The following PCSK6 variants were observed in gnomAD, a reference collection of about 807,000 sequenced individuals.
PCSK6 encodes paired basic amino acid cleaving enzyme 4.
Under a neutral mutation model 123.3 loss-of-function variants are expected in PCSK6, and 85 were observed. That is an observed-to-expected ratio of 0.69 (90% CI 0.58 to 0.83). The LOEUF (loss-of-function observed/expected upper bound fraction) is 0.83. Ranked by LOEUF, PCSK6 falls within the 40% of genes least tolerant of loss-of-function variation. PCSK6 has a pLI of 0.00. For synonymous variants in PCSK6, 508 were observed against 516.0 expected (o/e 0.98, Z 0.21); for missense variants, 1,191 against 1,282.3 (o/e 0.93, Z 1.09).
At chr15:101,478,629 G>C (rs2057792652) in intron 1 of PCSK6, among the ~76,000 whole-genome samples, 1 of 152,150 alleles carries the variant, frequency 6.6e-6, no homozygotes, top group Non-Finnish European at 1.5e-5. Flanking sequence ...CACCAGGCTA[G>C]GATGCTAGGT....
chr15:101,388,339 C>T (rs1265522399), intron 9 of PCSK6, among the ~76,000 whole-genome samples: 8 of 152,238 alleles, frequency 5.3e-5, no homozygotes, highest in Non-Finnish European at 8.8e-5. Context: ...AGCATTGAGG[C>T]ATCCCAACCA....
At chr15:101,389,589 G>A (rs1351337587) in intron 8 of PCSK6, 25 bp from the exon 9 acceptor site, 2 of 1,558,112 alleles carry the variant, frequency 1.3e-6, no homozygotes, top group South Asian at 1.1e-5. Context: ...AGCACAGTGA[G>A]GCAGTGATGG....
chr15:101,367,004 G>A (rs893578767), intron 12 of PCSK6, among the ~76,000 whole-genome samples: 2 of 152,206 alleles, frequency 1.3e-5, no homozygotes, highest in African/African-American at 4.8e-5. Context: ...CAATGGCAGG[G>A]TTGGTTGCTT....
intron 11 of PCSK6, among the ~76,000 whole-genome samples, chr15:101,376,019 G>A (rs762598285): frequency 9.2e-5 from 14 of 152,158 alleles, no homozygotes; most frequent in Non-Finnish European, 2.1e-4. Flanking sequence ...GGGTAACAGA[G>A]TGAGACTCCA....
At chr15:101,444,258 G>A (rs1174159159) in intron 1 of PCSK6, among the ~76,000 whole-genome samples, 1 of 152,204 alleles carries the variant, frequency 6.6e-6, no homozygotes, top group Non-Finnish European at 1.5e-5. Context: ...TCAGCTTGAG[G>A]ACCGGATGGA....
intron 19 of PCSK6, among the ~76,000 whole-genome samples, chr15:101,315,117 C>T (rs2039958591): frequency 6.6e-6 from 1 of 152,232 alleles, no homozygotes; most frequent in African/African-American, 2.4e-5. Context: ...AAAGAAAGCT[C>T]ATTCTTGTTT....
At chr15:101,347,569 A>G in intron 13 of PCSK6, 3 of 1,432,760 alleles carry the variant, frequency 2.1e-6, no homozygotes, top group Non-Finnish European at 2.8e-6. Context: ...ACACGCATTC[A>G]TGCAGTCAAT....
chr15:101,311,285 ATTT>A (rs71154317), intron 20 of PCSK6, among the ~76,000 whole-genome samples: 10 of 114,914 alleles, frequency 8.7e-5, no homozygotes, highest in African/African-American at 1.9e-4. Context: ...TAATTTTTGC[ATTT>A]TTTTTTTTTT....
At chr15:101,484,267 G>A (rs1159996653) in intron 1 of PCSK6, among the ~76,000 whole-genome samples, 1 of 152,150 alleles carries the variant, frequency 6.6e-6, no homozygotes, top group Non-Finnish European at 1.5e-5. Context: ...CTCCCTTCTT[G>A]GAGGTCATTG....
chr15:101,375,412 C>T (rs1026592170), intron 11 of PCSK6, among the ~76,000 whole-genome samples: 9 of 152,180 alleles, frequency 5.9e-5, no homozygotes, highest in Admixed American at 5.2e-4. Context: ...ATTTATAGCA[C>T]ACTTTTTCCT....
intron 1 of PCSK6, among the ~76,000 whole-genome samples, chr15:101,457,858 C>G (rs954176382): frequency 2.0e-5 from 3 of 152,196 alleles, no homozygotes; most frequent in African/African-American, 7.2e-5. Flanking sequence ...GCTATCTGTC[C>G]AATTCCAGAC....
chr15:101,454,979 TG>T (rs2057140151), intron 1 of PCSK6, among the ~76,000 whole-genome samples: 9 of 148,374 alleles, frequency 6.1e-5, no homozygotes, highest in African/African-American at 2.2e-4. Context: ...AATGAATGAA[TG>T]AATAAATAAA....
intron 13 of PCSK6, among the ~76,000 whole-genome samples, chr15:101,364,708 T>C (rs1385749135): frequency 6.6e-6 from 1 of 152,208 alleles, no homozygotes; most frequent in Non-Finnish European, 1.5e-5. Flanking sequence ...CTGGAAGACT[T>C]AATATTGTTA....
chr15:101,410,108 T>C (rs918962550), intron 6 of PCSK6, among the ~76,000 whole-genome samples: 2 of 152,182 alleles, frequency 1.3e-5, no homozygotes, highest in Admixed American at 1.3e-4. Context: ...AATTTTTAAA[T>C]TGTTTGTAGA....
rs998526535 is a variant in PCSK6 at position 101,390,128 on chromosome 15, G to A, written c.1210-564C>T. Among the ~76,000 whole-genome samples the A allele has an allele frequency of 8.6e-5, 5 of 57,866 alleles. No homozygotes were observed. In the Admixed American group the frequency reaches 9.2e-4, roughly 11 times the overall value. 38.0% of individuals were successfully genotyped at this position (57,866 alleles called of 152,430 possible). A position where few individuals can be genotyped will look rare whatever the true frequency, so the allele number is the denominator to read the frequency against. ...CCTCCTGAAGAAGCAGATCAACCTG[G>A]CATGTTCTTGACCGCCCAAGGCCTA... On this transcript the variant is annotated intron_variant, in intron 8 of 21. Coordinates refer to ENST00000611716, the MANE Select transcript of PCSK6 (RefSeq NM_002570.5).
intron 1 of PCSK6, among the ~76,000 whole-genome samples, chr15:101,488,319 C>T (rs896363624): frequency 5.9e-5 from 9 of 152,196 alleles, no homozygotes; most frequent in Non-Finnish European, 1.0e-4. Context: ...CTCAAAATAA[C>T]GGCCTCTCCA....
chr15:101,395,283 C>A (rs1033134544), intron 7 of PCSK6, among the ~76,000 whole-genome samples: 1 of 152,226 alleles, frequency 6.6e-6, no homozygotes, highest in Non-Finnish European at 1.5e-5. Context: ...ACCTGGGAAC[C>A]TGTTACAATG....
chr15:101,326,177 G>A (rs1348237065), intron 16 of PCSK6, among the ~76,000 whole-genome samples, 200 bp downstream of exon 16: 4 of 152,236 alleles, frequency 2.6e-5, no homozygotes, highest in Non-Finnish European at 5.9e-5. Flanking sequence ...TAATTTCTCC[G>A]TAATGGACAT....
Position 101,313,035 on chromosome 15 carries a change from G to C in PCSK6, c.2699+341C>G, listed in dbSNP as rs1185967480. 4.2e-6 allele frequency: 5 copies of C among 1,196,850 alleles called. No homozygotes were observed. The East Asian group carries it at 2.7e-4, about 64-fold the overall frequency. 74.1% of individuals were successfully genotyped at this position (1,196,850 alleles called of 1,614,324 possible). ...AAATTTTTTTTTAACCCAAAACATG[G>C]TTTCTCTGATTATCGACAGTGCAAA... On this transcript the variant is annotated intron_variant, in intron 20 of 21. Transcript: ENST00000611716.
Sources: gnomAD v4.1 joint callset for allele counts (sites outside exome capture counted in the v4.1 genomes callset) on GRCh38, gnomAD v4.1.1 for gene constraint, MANE v1.5 for transcripts, NCBI Gene and HGNC (gene_info 2026-07-23, HGNC 2026-07-21) for gene names.